COL4A3: variants seen among roughly 807,000 people sequenced by gnomAD.
COL4A3 encodes collagen type IV alpha 3 chain, also known as collagen alpha-3(IV) chain.
A neutral mutation model predicts 217.4 loss-of-function variants in COL4A3; 135 were observed. The observed-to-expected ratio is 0.62, with a 90% confidence interval of 0.54 to 0.72. COL4A3 has a LOEUF of 0.72. COL4A3 is among the 30% of genes least tolerant of loss of function. The pLI is 0.00. For missense variants in COL4A3, 1,868 were observed against 2,119.9 expected (o/e 0.88, Z 2.33); for synonymous variants, 690 against 736.3 (o/e 0.94, Z 1.02).
chr2:227,311,378 T>A (rs1198147693), intron 51 of COL4A3, among the ~76,000 whole-genome samples: 2 of 58,032 alleles, frequency 3.4e-5, no homozygotes, highest in Non-Finnish European at 6.2e-5. Flanking sequence ...TAAATTTCTC[T>A]CCTTTTTTTT....
intron 20 of COL4A3, 81 bp downstream of exon 20, chr2:227,261,198 T>C: frequency 2.5e-6 from 3 of 1,215,890 alleles, no homozygotes; most frequent in South Asian, 2.5e-5. Context: ...TTTACATTAT[T>C]TACATAAGAC....
chr2:227,246,950 A>T, intron 7 of COL4A3: 1 of 671,880 alleles, frequency 1.5e-6, no homozygotes, highest in Non-Finnish European at 2.8e-6. Flanking sequence ...TGAGACATCC[A>T]AGTGGAGATG....
At chr2:227,263,184 G>A (rs940729957) in intron 20 of COL4A3, among the ~76,000 whole-genome samples, 1 of 152,124 alleles carries the variant, frequency 6.6e-6, no homozygotes, top group Non-Finnish European at 1.5e-5. Flanking sequence ...TATTACCCCG[G>A]CTGGTTTCTC....
At position 227,240,169 on chromosome 2, in the gene COL4A3, C is replaced by T. The variant is rs368291735; in HGVS notation, c.171C>T (p.Pro57=). Residue 57 remains proline, a synonymous_variant, in exon 3 of 52, where the codon CCC becomes CCT. Coordinates refer to ENST00000396578, the MANE Select transcript of COL4A3 (RefSeq NM_000091.5). The part of the protein sequence containing the change: ...EKGEKGFPGP[P]GSPGQKGFTG... ...GGGAGAAGGGCTTTCCTGGACCCCC[C>T]GGTTCTCCTGGCCAGAAAGGATTCA... 1.3e-4 allele frequency: 202 copies of T among 1,610,960 alleles called. No homozygotes were observed. The African/African-American group carries it at 1.3e-3, about 11-fold the overall frequency.
In COL4A3 at chr2:227,165,310, C is replaced by G. The variant is rs147284793; in HGVS notation, c.87+497C>G. Among the ~76,000 whole-genome samples, 949 of 152,234 alleles carry G rather than the reference C, an allele frequency of 6.2e-3. 3 individuals are homozygous for G. Among genetic ancestry groups the G allele is most frequent in the African/African-American group, 0.022 (908 of 41,548 alleles). ...GACCTCTCTGGGGCTCAGTTTCTTC[C>G]TTGCAAAACTTGCCCTCCAGTTTTC... On this transcript the variant is annotated intron_variant, in intron 1 of 51. Coordinates refer to ENST00000396578, the MANE Select transcript of COL4A3 (RefSeq NM_000091.5).
intron 27 of COL4A3, among the ~76,000 whole-genome samples, chr2:227,276,949 A>G (rs996202938): frequency 3.3e-5 from 5 of 152,266 alleles, no homozygotes; most frequent in African/African-American, 1.2e-4. Flanking sequence ...TATATTGACA[A>G]AATTCTTTGC....
rs1003342095 is a variant in COL4A3, at chr2:227,307,829, C to T, written c.4372C>T (p.Pro1458Ser). The T allele has an allele frequency of 2.5e-6, 4 of 1,614,012 alleles. No homozygotes were observed. Among genetic ancestry groups the T allele is most frequent in the African/African-American group, 2.7e-5 (2 of 74,904 alleles). Residue 1458 changes from proline (P) to serine (S), a missense_variant, in exon 48 of 52, where the codon CCT becomes TCT. Pro to Ser is a moderately conservative substitution (Grantham distance 74). This residue lies in a region of COL4A3 where 1,503 missense variants were observed against 1,786.1 expected (regional missense o/e 0.84). Transcript: ENST00000396578. ...FTRHSQTTAI[P>S]SCPEGTVPLY... ...CCGACACAGTCAAACCACAGCAATT[C>T]CTTCATGTCCAGAGGGGACAGTGCC...
At chr2:227,244,905 A>C in intron 4 of COL4A3, 46 bp from the exon 5 acceptor site, 1 of 1,480,824 alleles carries the variant, frequency 6.8e-7, no homozygotes, top group Non-Finnish European at 9.1e-7. Context: ...GAACATTTTT[A>C]AAGTTTTTTT....
intron 42 of COL4A3, 48 bp downstream of exon 42, chr2:227,297,907 G>C (rs1446898134): frequency 6.5e-7 from 1 of 1,545,260 alleles, no homozygotes; most frequent in East Asian, 2.4e-5. Context: ...AATCATGTTT[G>C]ACCTCAAAAG....
Position 227,172,443 on chromosome 2 carries a change from G to A in COL4A3, c.87+7630G>A, listed in dbSNP as rs146722516. ...TCATTATATCCTCACAAGGTAGTTC[G>A]GCGGGGGTGGTTGGGGAGAAAGACA... On this transcript the variant is annotated intron_variant, in intron 1 of 51. Coordinates refer to ENST00000396578, the MANE Select transcript of COL4A3 (RefSeq NM_000091.5). 2.6e-3 allele frequency among the ~76,000 whole-genome samples: 393 copies of A among 152,210 alleles called. 4 individuals are homozygous for A. The highest frequency in any genetic ancestry group is 8.9e-3 in the African/African-American group (369 of 41,532).
Position 227,245,980 on chromosome 2 carries a change from C to CG in COL4A3, c.353dup (p.Leu119ThrfsTer11), listed in dbSNP as rs771264545. The CG allele has an allele frequency of 6.2e-7, 1 of 1,613,842 alleles. No individual in the cohort carries two copies. The highest frequency in any genetic ancestry group is 1.1e-5 in the South Asian group (1 of 91,076). ...GCACCCCAGGCAATACCGGGCCTTA[C>CG]GGACTTGTCGGTGTACCAGGATGCA... is the stretch of plus-strand genomic sequence containing the variant. On this transcript the variant is annotated frameshift_variant, in exon 6 of 52. Transcript: ENST00000396578. LOFTEE classifies it high-confidence loss of function.
chr2:227,254,676 T>C lies in COL4A3; in HGVS notation c.849T>C (p.Tyr283=). The C allele has an allele frequency of 6.2e-7, 1 of 1,613,338 alleles. No homozygotes were observed. Among genetic ancestry groups the C allele is most frequent in the Non-Finnish European group, 8.5e-7 (1 of 1,179,304 alleles). ...TACAGGGACTGCCTGGAGAATCATA[T>C]GGATCTGAAAAGGGTGCTCCTGGAG... is the stretch of plus-strand genomic sequence containing the variant. ...PGPSGLPGES[Y]GSEKGAPGDP... Residue 283 remains tyrosine, a synonymous_variant, in exon 15 of 52, where the codon TAT becomes TAC. Coordinates refer to ENST00000396578, the MANE Select transcript of COL4A3 (RefSeq NM_000091.5).
chr2:227,248,290 T>C (rs2069474656), intron 8 of COL4A3, 153 bp from the exon 9 acceptor site: 2 of 697,340 alleles, frequency 2.9e-6, no homozygotes, highest in South Asian at 1.5e-5. Flanking sequence ...GAATTCTTCA[T>C]AATGGAATAA....
intron 1 of COL4A3, among the ~76,000 whole-genome samples, chr2:227,233,234 A>G (rs537165835): frequency 6.6e-6 from 1 of 152,142 alleles, no homozygotes; most frequent in Non-Finnish European, 1.5e-5. Context: ...GCTGGTCTCA[A>G]ACTCCTGACC....
intron 42 of COL4A3, among the ~76,000 whole-genome samples, chr2:227,298,350 A>C (rs1345140885): frequency 7.5e-6 from 1 of 133,866 alleles, no homozygotes; most frequent in Non-Finnish European, 1.5e-5. Flanking sequence ...AAACTGTATC[A>C]AAAAAAAATA....
At chr2:227,306,390 T>A (rs2073502460) in intron 47 of COL4A3, among the ~76,000 whole-genome samples, 1 of 152,224 alleles carries the variant, frequency 6.6e-6, no homozygotes, top group Non-Finnish European at 1.5e-5. Context: ...TTCCAGTTCC[T>A]GCCCTGCTCA....
rs1179679339 is a variant in COL4A3 at position 227,309,334 on chromosome 2, A to G, written c.4755+16A>G. 1 of 1,595,882 alleles carries G rather than the reference A, an allele frequency of 6.3e-7. No homozygotes were observed. The highest frequency in any genetic ancestry group is 8.6e-7 in the Non-Finnish European group (1 of 1,164,734). On this transcript the variant is annotated intron_variant, in intron 50 of 51. Transcript: ENST00000396578. ...ATTCATCATGGTGAGGAGAAAAGGA[A>G]CAGGAGGTTTAGGGTAAAGACTACC...
In COL4A3 at chr2:227,191,469, C is replaced by T. The variant is rs148695754; in HGVS notation, c.87+26656C>T. The stretch of plus-strand genomic sequence containing the variant: ...AAAATCACTCTTTACCAGCCACATA[C>T]AAATGTTGAATGGCTCCATCCACGG... On this transcript the variant is annotated intron_variant, in intron 1 of 51. Coordinates refer to ENST00000396578, the MANE Select transcript of COL4A3 (RefSeq NM_000091.5). This position sits in a 1 kb window ranked among gnomAD's most constrained non-coding sequence, Gnocchi z 6.8. Among the ~76,000 whole-genome samples the T allele has an allele frequency of 3.9e-5, 6 of 152,172 alleles. No homozygotes were observed. The East Asian group carries it at 1.2e-3, about 29-fold the overall frequency.
intron 26 of COL4A3, among the ~76,000 whole-genome samples, chr2:227,274,274 T>TAAATAAATAAATAAA (rs2071422722): frequency 6.6e-6 from 1 of 150,568 alleles, no homozygotes; most frequent in Non-Finnish European, 1.5e-5. Context: ...AATAAATAAA[T>TAAATAAATAAATAAA]TTTAAAAATC....
Sources: gnomAD v4.1 joint callset for allele counts (sites outside exome capture counted in the v4.1 genomes callset) on GRCh38, gnomAD v4.1.1 for gene constraint, gnomAD v4.1.1 regional missense constraint, Gnocchi (gnomAD v3.1) non-coding constraint, MANE v1.5 for transcripts, NCBI Gene and HGNC (gene_info 2026-07-23, HGNC 2026-07-21) for gene names.